GRIK3: variants seen among roughly 807,000 people sequenced by gnomAD.
GRIK3 encodes glutamate ionotropic receptor kainate type subunit 3.
Under a neutral mutation model 102.5 loss-of-function variants are expected in GRIK3, and 29 were observed. That is an observed-to-expected ratio of 0.28 (90% CI 0.21 to 0.39). The LOEUF is 0.39. Ranked by LOEUF, GRIK3 falls within the 10% of genes least tolerant of loss-of-function variation. GRIK3 has a pLI of 1.00. For missense variants in GRIK3, 908 were observed against 1,252.4 expected (o/e 0.73, Z 4.15); for synonymous variants, 511 against 504.9 (o/e 1.01, Z -0.16).
chr1:36,838,244 C>T (rs772939671), intron 10 of GRIK3, among the ~76,000 whole-genome samples: 7 of 152,112 alleles, frequency 4.6e-5, no homozygotes, highest in African/African-American at 7.2e-5. Context: ...AAATGGAGGC[C>T]GGAGAAATGG....
rs77300629 is a variant in GRIK3, at chr1:37,029,298, C to G, written c.115+4696G>C. Among the ~76,000 whole-genome samples the G allele has an allele frequency of 1.9e-3, 284 of 152,358 alleles. 5 individuals carry two copies. In the East Asian group the frequency reaches 0.045, roughly 24 times the overall value. On this transcript the variant is annotated intron_variant, in intron 1 of 15. Coordinates refer to ENST00000373091, the MANE Select transcript of GRIK3 (RefSeq NM_000831.4). ...CAAGCGAGTGCCTGCTGGGTGCTAG[C>G]CTCAACGAGGGCCCTGCTCCTGCAA...
chr1:36,959,577 G>A (rs763145058), intron 1 of GRIK3, among the ~76,000 whole-genome samples: 5 of 114,738 alleles, frequency 4.4e-5, no homozygotes, highest in Admixed American at 2.6e-4. Context: ...CCATGAGCCT[G>A]TGTGCCCCAT....
At chr1:36,945,886 A>T (rs551021) in intron 1 of GRIK3, among the ~76,000 whole-genome samples, 2,906 of 152,208 alleles carry the variant, frequency 0.019, 90 homozygotes, top group African/African-American at 0.067. Flanking sequence ...ATTCCCATGG[A>T]TCCCTGCAGA....
rs997456428 is a variant in GRIK3 at position 36,905,885 on chromosome 1, C to T, written c.116-14789G>A. ...CCCATCCCAAATGGGGATAAAAAGT[C>T]AGGGGACAAAGCCATCTCCATAGGG... is the stretch of plus-strand genomic sequence containing the variant. On this transcript the variant is annotated intron_variant, in intron 1 of 15. Coordinates refer to ENST00000373091, the MANE Select transcript of GRIK3 (RefSeq NM_000831.4). Among the ~76,000 whole-genome samples the T allele has an allele frequency of 2.6e-5, 4 of 152,296 alleles. No individual in the cohort carries two copies. In the South Asian group the frequency reaches 6.2e-4, roughly 24 times the overall value.
At position 36,800,815 on chromosome 1, in the gene GRIK3, C is replaced by T. The variant is rs1398494482; in HGVS notation, c.*1036G>A. On this transcript the variant is annotated 3_prime_UTR_variant, in exon 16 of 16. Transcript: ENST00000373091. ...ACAACTTGACTTTCACTTCAACCAA[C>T]TCTTCTTTCAAAAAGACAGAGTGAG... 6.6e-6 allele frequency: 1 copy of T among 152,004 alleles called. No homozygotes were observed. Among genetic ancestry groups the T allele is most frequent in the Admixed American group, 6.5e-5 (1 of 15,272 alleles). 9.4% of individuals were successfully genotyped at this position (152,004 alleles called of 1,614,324 possible).
intron 1 of GRIK3, among the ~76,000 whole-genome samples, chr1:37,031,654 C>G (rs979263606): frequency 3.3e-5 from 5 of 152,232 alleles, no homozygotes; most frequent in Admixed American, 2.6e-4. Flanking sequence ...ACCTAGCACA[C>G]TCCAGAGGGC....
intron 5 of GRIK3, among the ~76,000 whole-genome samples, chr1:36,869,114 CTT>C (rs924942872): frequency 1.3e-5 from 2 of 152,202 alleles, no homozygotes; most frequent in Non-Finnish European, 2.9e-5. Context: ...ACAGGAATCT[CTT>C]TATTCTGCTG....
At chr1:36,954,429 T>C (rs1017835469) in intron 1 of GRIK3, among the ~76,000 whole-genome samples, 1 of 152,180 alleles carries the variant, frequency 6.6e-6, no homozygotes, top group African/African-American at 2.4e-5. Context: ...AGAAAGGTCA[T>C]CTGCGGGAGA....
intron 1 of GRIK3, among the ~76,000 whole-genome samples, chr1:36,949,023 G>C (rs985147645): frequency 5.3e-5 from 8 of 152,186 alleles, no homozygotes; most frequent in Non-Finnish European, 1.0e-4. Context: ...CTGGGAAGAA[G>C]GGCAGCACGC....
At chr1:36,949,091 A>G (rs1420924720) in intron 1 of GRIK3, among the ~76,000 whole-genome samples, 1 of 152,116 alleles carries the variant, frequency 6.6e-6, no homozygotes, top group Non-Finnish European at 1.5e-5. Flanking sequence ...GGGAAAGGCC[A>G]TCCAGGAGCA....
chr1:36,938,970 C>T (rs1641689391), intron 1 of GRIK3, among the ~76,000 whole-genome samples: 1 of 152,180 alleles, frequency 6.6e-6, no homozygotes, highest in Non-Finnish European at 1.5e-5. Context: ...ACACATGAGC[C>T]AGCACAAGAC....
chr1:36,922,155 G>T (rs1641480270), intron 1 of GRIK3, among the ~76,000 whole-genome samples: 1 of 152,228 alleles, frequency 6.6e-6, no homozygotes, highest in Non-Finnish European at 1.5e-5. Context: ...GTGACCTCCA[G>T]AGCTACGGGA....
chr1:36,908,648 A>G (rs1436362259), intron 1 of GRIK3, among the ~76,000 whole-genome samples: 1 of 152,198 alleles, frequency 6.6e-6, no homozygotes, highest in African/African-American at 2.4e-5. Context: ...TTAACGCATA[A>G]TCTTAATCAT....
At chr1:36,903,884 T>C (rs1328971540) in intron 1 of GRIK3, among the ~76,000 whole-genome samples, 2 of 152,182 alleles carry the variant, frequency 1.3e-5, no homozygotes, top group South Asian at 2.1e-4. Flanking sequence ...GATACTATTA[T>C]AGTGAATACA....
intron 13 of GRIK3, among the ~76,000 whole-genome samples, chr1:36,809,952 T>A (rs1190758220): frequency 6.6e-6 from 1 of 152,184 alleles, no homozygotes; most frequent in Non-Finnish European, 1.5e-5. Context: ...ATTACCTCCA[T>A]CACCTTCAGG....
In GRIK3 at chr1:36,835,733, G is replaced by A. The variant is rs74064777; in HGVS notation, c.1530+6003C>T. Among the ~76,000 whole-genome samples the A allele has an allele frequency of 2.4e-3, 371 of 152,254 alleles. 1 individual carries two copies. The highest frequency in any genetic ancestry group is 8.5e-3 in the African/African-American group (353 of 41,538). ...TGTTTCAGCTGCTCCTTCTGACCTC[G>A]GTTTCCCCCAATACTCCCTTCATCC... On this transcript the variant is annotated intron_variant, in intron 10 of 15. Coordinates refer to ENST00000373091, the MANE Select transcript of GRIK3 (RefSeq NM_000831.4).
At chr1:36,901,716 G>C (rs1264300507) in intron 1 of GRIK3, among the ~76,000 whole-genome samples, 1 of 152,138 alleles carries the variant, frequency 6.6e-6, no homozygotes, top group Non-Finnish European at 1.5e-5. Flanking sequence ...GGAAGTCCTA[G>C]CAAATGCAAT....
chr1:36,845,980 A>G lies in GRIK3; in HGVS notation c.1327-4041T>C, dbSNP rs150279628. Among the ~76,000 whole-genome samples, 336 of 152,332 alleles carry G rather than the reference A, an allele frequency of 2.2e-3. 3 individuals are homozygous for G. Among genetic ancestry groups the G allele is most frequent in the African/African-American group, 7.7e-3 (321 of 41,584 alleles). ...ACTGAGTATCCAGATACCCGTGTGTAGCTGGTCCTACACCCACCCACACAC... is the reference window on the plus strand; with the variant it reads ...ACTGAGTATCCAGATACCCGTGTGTGGCTGGTCCTACACCCACCCACACAC... On this transcript the variant is annotated intron_variant, in intron 9 of 15. Coordinates refer to ENST00000373091, the MANE Select transcript of GRIK3 (RefSeq NM_000831.4).
chr1:36,852,620 C>T (rs1028152130), intron 8 of GRIK3, among the ~76,000 whole-genome samples: 3 of 152,144 alleles, frequency 2.0e-5, no homozygotes, highest in Non-Finnish European at 4.4e-5. Context: ...AGAACCAGGG[C>T]GGCATGTTAA....
Sources: allele counts gnomAD v4.1 joint callset (sites outside exome capture counted in the v4.1 genomes callset), GRCh38; gene constraint gnomAD v4.1.1; transcripts MANE v1.5; gene names NCBI Gene and HGNC (gene_info 2026-07-23, HGNC 2026-07-21).